Variants in ST3GAL2 observed in about 807,000 individuals in gnomAD.
The protein encoded by ST3GAL2 is CMP-N-acetylneuraminate-beta-galactosamide-alpha-2,3-sialyltransferase 2.
Under a neutral mutation model 37.5 loss-of-function variants are expected in ST3GAL2, and 16 were observed. The observed-to-expected ratio is 0.43, with a 90% CI of 0.29 to 0.65. ST3GAL2 has a LOEUF of 0.65. ST3GAL2 is among the 30% of genes least tolerant of loss of function. The probability of loss-of-function intolerance (pLI) is 0.17; values close to 1 mark genes in which losing one functional copy is unlikely to be tolerated. For missense variants in ST3GAL2, 383 were observed against 487.8 expected, an observed-to-expected ratio of 0.79 and a Z score of 2.02; for synonymous variants, 238 against 202.9, an observed-to-expected ratio of 1.17 and a Z score of -1.47.
chr16:70,387,765 T>C (rs537580956), intron 4 of ST3GAL2, among the ~76,000 whole-genome samples: 12 of 151,858 alleles, frequency 7.9e-5, no homozygotes, highest in Non-Finnish European at 1.5e-4. Context: ...CCAAAGAAAG[T>C]CCTCAGAAGG....
chr16:70,418,349 C>T lies in ST3GAL2; in HGVS notation c.-1003-18816G>A, dbSNP rs145355369. Among the ~76,000 whole-genome samples the T allele has an allele frequency of 8.2e-3, 1,253 of 152,264 alleles. 4 individuals are homozygous for T. The highest frequency in any genetic ancestry group is 0.012 in the Non-Finnish European group (815 of 68,008). ...CCTCCAGCCTACCACAAAGTCAGGG[C>T]TCCTTGGCTTTGACAGCTATCCTTC... On this transcript the variant is annotated intron_variant, in intron 1 of 6. Transcript: ENST00000342907.
chr16:70,426,962 C>T (rs545820254), intron 1 of ST3GAL2, among the ~76,000 whole-genome samples: 26 of 152,218 alleles, frequency 1.7e-4, no homozygotes, highest in Non-Finnish European at 2.6e-4. Context: ...ATCCTCCCAC[C>T]TCAGCCTCCC....
intron 1 of ST3GAL2, among the ~76,000 whole-genome samples, chr16:70,406,213 G>A (rs2151667497): frequency 6.6e-6 from 1 of 152,248 alleles, no homozygotes; most frequent in Middle Eastern, 3.4e-3. Flanking sequence ...GCAGGCCGAG[G>A]TGGGCAGATC....
chr16:70,388,994 G>C (rs868194345), intron 3 of ST3GAL2, among the ~76,000 whole-genome samples: 6 of 146,546 alleles, frequency 4.1e-5, no homozygotes, highest in Non-Finnish European at 6.0e-5. Context: ...TGATGTGTTT[G>C]AACCTGGAGG....
At chr16:70,431,427 C>A (rs1218786098) in intron 1 of ST3GAL2, among the ~76,000 whole-genome samples, 3 of 152,218 alleles carry the variant, frequency 2.0e-5, no homozygotes, top group African/African-American at 7.2e-5. Flanking sequence ...ACCTCAGGGT[C>A]CCCTCTCTGC....
At chr16:70,411,723 G>T (rs947817398) in intron 1 of ST3GAL2, among the ~76,000 whole-genome samples, 3 of 151,964 alleles carry the variant, frequency 2.0e-5, no homozygotes, top group African/African-American at 7.3e-5. Context: ...GGCCAGGCAC[G>T]GTGGCTCACA....
At chr16:70,428,195 G>A (rs1237760110) in intron 1 of ST3GAL2, among the ~76,000 whole-genome samples, 1 of 152,230 alleles carries the variant, frequency 6.6e-6, no homozygotes, top group African/African-American at 2.4e-5. Context: ...TGCCAGGTTT[G>A]TCCCCTCCCC....
chr16:70,432,873 C>A (rs1334775131), intron 1 of ST3GAL2, among the ~76,000 whole-genome samples: 1 of 152,188 alleles, frequency 6.6e-6, no homozygotes, highest in Admixed American at 6.5e-5. Context: ...AAGCCCATCC[C>A]GGGCTGCATG....
intron 1 of ST3GAL2, among the ~76,000 whole-genome samples, chr16:70,437,988 C>G (rs1449783778): frequency 1.3e-5 from 2 of 152,184 alleles, no homozygotes; most frequent in Admixed American, 1.3e-4. Flanking sequence ...CCTCTCTAGC[C>G]CCTTTCTCCA....
chr16:70,425,811 G>A (rs1330945524), intron 1 of ST3GAL2, among the ~76,000 whole-genome samples: 1 of 152,222 alleles, frequency 6.6e-6, no homozygotes, highest in Non-Finnish European at 1.5e-5. Flanking sequence ...AATCGACCCA[G>A]CTCAGAGGCC....
chr16:70,434,449 A>T (rs1380569353), intron 1 of ST3GAL2, among the ~76,000 whole-genome samples: 1 of 152,186 alleles, frequency 6.6e-6, no homozygotes, highest in Non-Finnish European at 1.5e-5. Flanking sequence ...AACAAAAAAA[A>T]AAAAATTCAG....
chr16:70,432,817 G>A (rs1018910277), intron 1 of ST3GAL2, among the ~76,000 whole-genome samples: 4 of 152,226 alleles, frequency 2.6e-5, no homozygotes, highest in East Asian at 1.9e-4. Flanking sequence ...TGTGTGGGAC[G>A]GAAGCTGGGA....
At chr16:70,406,620 A>G (rs1449827960) in intron 1 of ST3GAL2, among the ~76,000 whole-genome samples, 1 of 151,854 alleles carries the variant, frequency 6.6e-6, no homozygotes, top group Non-Finnish European at 1.5e-5. Flanking sequence ...CATCTCTACT[A>G]AAAATACAAA....
chr16:70,390,241 G>C (rs2047473882), intron 3 of ST3GAL2, among the ~76,000 whole-genome samples: 1 of 152,004 alleles, frequency 6.6e-6, no homozygotes, highest in African/African-American at 2.4e-5. Context: ...CGCCTGTTTT[G>C]TTTTCTGTTT....
At chr16:70,438,697 C>A (rs2047844681) in intron 1 of ST3GAL2, among the ~76,000 whole-genome samples, 1 of 152,084 alleles carries the variant, frequency 6.6e-6, no homozygotes, top group South Asian at 2.1e-4. Flanking sequence ...GGCAAAGGAG[C>A]GGAGCGGGAG....
intron 1 of ST3GAL2, among the ~76,000 whole-genome samples, chr16:70,422,087 A>G (rs960240099): frequency 6.6e-6 from 1 of 152,160 alleles, no homozygotes; most frequent in Admixed American, 6.5e-5. Flanking sequence ...TTCACAGGGA[A>G]TGATGGACCA....
At chr16:70,382,194 T>TA (rs2047411225) in intron 6 of ST3GAL2, among the ~76,000 whole-genome samples, 1 of 152,052 alleles carries the variant, frequency 6.6e-6, no homozygotes, top group Non-Finnish European at 1.5e-5. Context: ...GTTCCATTTT[T>TA]ACACGAAGTA....
chr16:70,423,931 G>A (rs2047732952), intron 1 of ST3GAL2, among the ~76,000 whole-genome samples: 1 of 151,832 alleles, frequency 6.6e-6, no homozygotes, highest in Non-Finnish European at 1.5e-5. Flanking sequence ...GGTGGCAAGC[G>A]CCTGTAGTCC....
chr16:70,385,272 G>A (rs2047434345), intron 4 of ST3GAL2, among the ~76,000 whole-genome samples: 1 of 152,046 alleles, frequency 6.6e-6, no homozygotes, highest in South Asian at 2.1e-4. Flanking sequence ...CTCCAGCCTG[G>A]GTGACAGAGT....
Sources: gnomAD v4.1 joint callset for allele counts (sites outside exome capture counted in the v4.1 genomes callset) on GRCh38, gnomAD v4.1.1 for gene constraint, MANE v1.5 for transcripts, NCBI Gene and HGNC (gene_info 2026-07-23, HGNC 2026-07-21) for gene names.